The following SLC51A variants were observed in gnomAD, a reference collection of about 807,000 sequenced individuals.
The protein encoded by SLC51A is solute carrier family 51 member A.
A neutral mutation model predicts 34.8 loss-of-function variants in SLC51A; 22 were observed. The observed-to-expected ratio is 0.63, with a 90% CI of 0.45 to 0.90. SLC51A has a LOEUF of 0.90. SLC51A is among the 40% of genes least tolerant of loss of function. The probability of loss-of-function intolerance (pLI) is 0.00; values close to 1 mark genes in which losing one functional copy is unlikely to be tolerated. For missense variants in SLC51A, 371 were observed against 414.8 expected (o/e 0.89, Z 0.92); for synonymous variants, 181 against 176.3 (o/e 1.03, Z -0.21).
At chr3:196,217,992 G>C in intron 2 of SLC51A, 56 bp downstream of exon 2, 1 of 1,520,306 alleles carries the variant, frequency 6.6e-7, no homozygotes, top group Non-Finnish European at 9.0e-7. Flanking sequence ...GGATAGCTGA[G>C]TGGAGCTGGG....
intron 7 of SLC51A, 131 bp downstream of exon 7, chr3:196,230,192 T>G: frequency 1.1e-6 from 1 of 904,014 alleles, no homozygotes; most frequent in East Asian, 3.1e-5. Context: ...CTCATGAGAT[T>G]TGGAAAATGA....
intron 2 of SLC51A, among the ~76,000 whole-genome samples, chr3:196,221,640 CCTGT>C (rs2108753822): frequency 6.6e-6 from 1 of 152,064 alleles, no homozygotes; most frequent in South Asian, 2.1e-4. Flanking sequence ...GGATAAGTAA[CCTGT>C]CTATGGCCAT....
Position 196,227,111 on chromosome 3 carries a change from GCACC to G in SLC51A, c.284_287del (p.Pro95ArgfsTer22). On this transcript the variant is annotated frameshift_variant, in exon 3 of 9. Coordinates refer to ENST00000296327, the MANE Select transcript of SLC51A (RefSeq NM_152672.6). LOFTEE classifies it high-confidence loss of function. ...GCGGACTCTGCTCTGGAAGAGCTCG[GCACC>G]CACGGTGAGGCCCCCGGGGCTGCCC... 1 of 1,613,724 alleles carries G rather than the reference GCACC, an allele frequency of 6.2e-7. No individual in the cohort carries two copies. The highest frequency in any genetic ancestry group is 1.3e-5 in the African/African-American group (1 of 75,030).
intron 2 of SLC51A, among the ~76,000 whole-genome samples, chr3:196,218,873 C>A (rs1210258172): frequency 6.6e-6 from 1 of 151,664 alleles, no homozygotes; most frequent in Non-Finnish European, 1.5e-5. Flanking sequence ...CATAGGTGAA[C>A]CTGCAAAAGT....
chr3:196,218,592 G>A (rs2108752219), intron 2 of SLC51A, among the ~76,000 whole-genome samples: 1 of 152,322 alleles, frequency 6.6e-6, no homozygotes, highest in East Asian at 1.9e-4. Flanking sequence ...TCCACTGAAG[G>A]GGAGGGTGTG....
Position 196,217,945 on chromosome 3 carries a change from G to T in SLC51A, c.133+9G>T. On this transcript the variant is annotated intron_variant, in intron 2 of 8. Transcript: ENST00000296327. ...AGCCCAACTCCTGAGAGGTGAGTGG[G>T]GACCCTCCTCAGAGGGAACTGAGAG... 1.2e-6 allele frequency: 2 copies of T among 1,609,960 alleles called. No homozygotes were observed. Among genetic ancestry groups the T allele is most frequent in the Non-Finnish European group, 1.7e-6 (2 of 1,178,032 alleles).
intron 2 of SLC51A, among the ~76,000 whole-genome samples, chr3:196,223,666 A>G (rs1386806360): frequency 2.7e-5 from 4 of 150,932 alleles, no homozygotes; most frequent in African/African-American, 7.3e-5. Context: ...GCTTTTTCCT[A>G]TCTGGACTTT....
At position 196,216,719 on chromosome 3, in the gene SLC51A, C is replaced by T. The variant is rs201745104; in HGVS notation, c.7C>T (p.Pro3Ser). MEPGRTQIKLDPR... is the reference protein window; with the variant it reads MESGRTQIKLDPR... ...TGCTGGAGAGAACGCGGCGATGGAG[C>T]CGGGCAGGACCCAGATAAAGCTTGA... The change falls in exon 1 of 9, where the codon CCG becomes TCG. Residue 3 changes from proline to serine, a missense_variant. Coordinates refer to ENST00000296327, the MANE Select transcript of SLC51A (RefSeq NM_152672.6). The surrounding 1 kb of genome is among the most constrained non-coding windows in gnomAD (Gnocchi z 4.5). The T allele has an allele frequency of 3.3e-4, 515 of 1,574,370 alleles. 1 individual carries two copies. Among genetic ancestry groups the T allele is most frequent in the Middle Eastern group, 3.0e-3 (18 of 6,008 alleles).
chr3:196,222,917 G>C (rs1723798727), intron 2 of SLC51A, among the ~76,000 whole-genome samples: 1 of 151,800 alleles, frequency 6.6e-6, no homozygotes, highest in South Asian at 2.1e-4. Context: ...TGGATGCTAA[G>C]GAACTTTTCC....
chr3:196,229,314 G>T (rs1451741625), intron 6 of SLC51A, among the ~76,000 whole-genome samples: 1 of 152,054 alleles, frequency 6.6e-6, no homozygotes, highest in Non-Finnish European at 1.5e-5. Context: ...GGAGGCTGAG[G>T]TGGGAGGATC....
At chr3:196,230,654 T>C (rs888376812) in intron 7 of SLC51A, among the ~76,000 whole-genome samples, 1 of 152,066 alleles carries the variant, frequency 6.6e-6, no homozygotes. Context: ...CCGGCTAATT[T>C]TGCATTTTTA....
chr3:196,223,857 C>CTTTTT (rs10578707), intron 2 of SLC51A: 497 of 334,792 alleles, frequency 1.5e-3, no homozygotes, highest in South Asian at 3.0e-3. Flanking sequence ...TTTTTAATGC[C>CTTTTT]TTTTTTTTTT....
In SLC51A at chr3:196,217,795, C is replaced by G. The variant is rs774149244; in HGVS notation, c.39-47C>G. The G allele has an allele frequency of 1.1e-5, 18 of 1,568,480 alleles. No individual in the cohort carries two copies. In the East Asian group the frequency reaches 3.6e-4, roughly 32 times the overall value. On this transcript the variant is annotated intron_variant, in intron 1 of 8. Coordinates refer to ENST00000296327, the MANE Select transcript of SLC51A (RefSeq NM_152672.6). ...GAGGGTCCAGTGTGCAACCCTCCCC[C>G]TTCCCCCAGCCCCCATGGTTCTGAG...
chr3:196,220,260 A>G (rs902145189), intron 2 of SLC51A, among the ~76,000 whole-genome samples: 1 of 152,202 alleles, frequency 6.6e-6, no homozygotes, highest in Non-Finnish European at 1.5e-5. Flanking sequence ...CTTCTCGGCC[A>G]TTCGTTAGTA....
In SLC51A at chr3:196,233,050, C is replaced by T; in HGVS notation, c.887-13C>T. On this transcript the variant is annotated splice_polypyrimidine_tract_variant and intron_variant, in intron 8 of 8. Transcript: ENST00000296327. ...TCAGCATAACCTACGCTGTATTTCA[C>T]CCTACACTGCAGTGATGAATTGCCA... 2 of 1,613,630 alleles carry T rather than the reference C, an allele frequency of 1.2e-6. No individual in the cohort carries two copies. The highest frequency in any genetic ancestry group is 1.7e-6 in the Non-Finnish European group (2 of 1,179,724).
chr3:196,226,773 T>TAAA (rs780868037), intron 2 of SLC51A, among the ~76,000 whole-genome samples, 192 bp from the exon 3 acceptor site: 23,124 of 107,098 alleles, frequency 0.22, 3,395 homozygotes, highest in East Asian at 0.76. Context: ...GGCTCCGTCT[T>TAAA]AAAAAAAAAA....
chr3:196,218,978 C>T (rs1210213639), intron 2 of SLC51A, among the ~76,000 whole-genome samples: 1 of 152,140 alleles, frequency 6.6e-6, no homozygotes, highest in Non-Finnish European at 1.5e-5. Flanking sequence ...GTAATCCCTG[C>T]ACTTTGGGAG....
chr3:196,228,308 G>A lies in SLC51A; in HGVS notation c.521+35G>A, dbSNP rs776355481. ...GGCCAAGGTGCCTTCCCCAGGAGCC[G>A]GGGAGCCTCTCCTGGACCCCTGGTC... On this transcript the variant is annotated intron_variant, in intron 5 of 8. Coordinates refer to ENST00000296327, the MANE Select transcript of SLC51A (RefSeq NM_152672.6). The surrounding 1 kb of genome is among the most constrained non-coding windows in gnomAD (Gnocchi z 4.9). The A allele has an allele frequency of 8.8e-6, 14 of 1,589,038 alleles. No individual in the cohort carries two copies. Among genetic ancestry groups the A allele is most frequent in the Middle Eastern group, 3.9e-4 (2 of 5,184 alleles).
At chr3:196,217,523 C>T (rs1723621237) in intron 1 of SLC51A, among the ~76,000 whole-genome samples, 1 of 145,030 alleles carries the variant, frequency 6.9e-6, no homozygotes, top group African/African-American at 2.6e-5. Context: ...GCCTGGACAA[C>T]AGAGCAAGAC....
Sources: gnomAD v4.1 joint callset for allele counts (sites outside exome capture counted in the v4.1 genomes callset) on GRCh38, gnomAD v4.1.1 for gene constraint, Gnocchi (gnomAD v3.1) non-coding constraint, MANE v1.5 for transcripts, NCBI Gene and HGNC (gene_info 2026-07-23, HGNC 2026-07-21) for gene names.